The following SNTG1 variants were observed in gnomAD, a reference collection of about 807,000 sequenced individuals.
The protein encoded by SNTG1 is syntrophin gamma 1.
A neutral mutation model predicts 74.7 loss-of-function variants in SNTG1; 39 were observed. The observed-to-expected ratio is 0.52, with a 90% CI of 0.40 to 0.68. The LOEUF (loss-of-function observed/expected upper bound fraction) is 0.68. Ranked by LOEUF, SNTG1 falls within the 30% of genes least tolerant of loss-of-function variation. The pLI, the probability that SNTG1 is intolerant of heterozygous loss-of-function variation, is 0.00. For missense variants in SNTG1, 685 were observed against 609.5 expected, an observed-to-expected ratio of 1.12 and a Z score of -1.30; for synonymous variants, 254 against 217.1, an observed-to-expected ratio of 1.17 and a Z score of -1.49.
intron 1 of SNTG1, among the ~76,000 whole-genome samples, chr8:50,110,537 C>T (rs1179719241): frequency 6.6e-6 from 1 of 152,124 alleles, no homozygotes; most frequent in African/African-American, 2.4e-5. Context: ...GTCTCTATAA[C>T]CCTGAACCCT....
At chr8:50,530,749 A>G (rs146906339) in intron 10 of SNTG1, among the ~76,000 whole-genome samples, 1 of 152,320 alleles carries the variant, frequency 6.6e-6, no homozygotes, top group East Asian at 1.9e-4. Flanking sequence ...CTATACATGT[A>G]TTTAGTAGAA....
At chr8:50,751,164 C>CCT (rs2095566468) in intron 17 of SNTG1, among the ~76,000 whole-genome samples, 1 of 151,868 alleles carries the variant, frequency 6.6e-6, no homozygotes, top group Non-Finnish European at 1.5e-5. Context: ...TAAAGGTATG[C>CCT]TAAGATAAGG....
intron 17 of SNTG1, among the ~76,000 whole-genome samples, chr8:50,727,592 A>G (rs1011074776): frequency 2.0e-5 from 3 of 152,184 alleles, no homozygotes; most frequent in Non-Finnish European, 2.9e-5. Context: ...TGTAGAAAAC[A>G]AGAGAAGGGT....
intron 2 of SNTG1, among the ~76,000 whole-genome samples, chr8:50,293,084 C>G (rs1221372838): frequency 6.6e-6 from 1 of 152,112 alleles, no homozygotes; most frequent in Admixed American, 6.5e-5. Flanking sequence ...GAACAACCTG[C>G]GTGTAGCCTT....
chr8:50,498,451 T>G (rs2131931669), intron 8 of SNTG1, among the ~76,000 whole-genome samples: 1 of 151,972 alleles, frequency 6.6e-6, no homozygotes, highest in South Asian at 2.1e-4. Context: ...TTATTAGGCG[T>G]TTGTATTATT....
At chr8:50,404,021 A>G (rs1715069091) in intron 4 of SNTG1, among the ~76,000 whole-genome samples, 1 of 152,204 alleles carries the variant, frequency 6.6e-6, no homozygotes, top group African/African-American at 2.4e-5. Flanking sequence ...TGTAGATTTC[A>G]TGATGATATG....
intron 13 of SNTG1, among the ~76,000 whole-genome samples, chr8:50,600,773 G>A (rs1273089727): frequency 6.6e-6 from 1 of 151,130 alleles, no homozygotes; most frequent in Non-Finnish European, 1.5e-5. Flanking sequence ...TGTTTTATTT[G>A]TTTATTTGTA....
In SNTG1 at chr8:50,469,675, C is replaced by T. The variant is rs111883621; in HGVS notation, c.363+18946C>T. Reference sequence around the variant, plus strand: ...ATGGTTTAGATTCTTGTCATTCAGACCTTAGATTAAAAGCCTCCTTATTGC... The same window carrying T: ...ATGGTTTAGATTCTTGTCATTCAGATCTTAGATTAAAAGCCTCCTTATTGC... On this transcript the variant is annotated intron_variant, in intron 8 of 18. Transcript: ENST00000642720. 2.3e-3 allele frequency among the ~76,000 whole-genome samples: 357 copies of T among 152,160 alleles called. 2 individuals carry two copies. The highest frequency in any genetic ancestry group is 8.0e-3 in the African/African-American group (332 of 41,524).
chr8:50,014,458 G>T (rs199756824), intron 1 of SNTG1, among the ~76,000 whole-genome samples: 1 of 42,384 alleles, frequency 2.4e-5, no homozygotes, highest in African/African-American at 3.6e-5. Context: ...TCTACACAAT[G>T]ATAAGGACTA....
At chr8:50,625,968 G>A (rs149964361) in intron 13 of SNTG1, among the ~76,000 whole-genome samples, 2 of 152,136 alleles carry the variant, frequency 1.3e-5, no homozygotes, top group Non-Finnish European at 2.9e-5. Flanking sequence ...AGACTATGGT[G>A]GTGGATTTTT....
rs922333293 is a variant in SNTG1 at position 49,955,265 on chromosome 8, A to G, written c.-103+43034A>G. ...TTCACTCTTTGTTTTTTGCTAGCTA[A>G]AATAATTTTAAACCTAAAATGATCT... is the stretch of plus-strand genomic sequence containing the variant. On this transcript the variant is annotated intron_variant, in intron 1 of 18. Coordinates refer to ENST00000642720, the MANE Select transcript of SNTG1 (RefSeq NM_018967.5). 1.2e-4 allele frequency among the ~76,000 whole-genome samples: 18 copies of G among 152,312 alleles called. No homozygotes were observed. The East Asian group carries it at 3.5e-3, about 29-fold the overall frequency.
intron 2 of SNTG1, among the ~76,000 whole-genome samples, chr8:50,384,610 G>A (rs62517611): frequency 0.011 from 1,608 of 152,230 alleles, 11 homozygotes; most frequent in Non-Finnish European, 0.017. Flanking sequence ...CTCAGCAGTG[G>A]CTGTAACCAT....
At chr8:50,712,507 C>T (rs2131563352) in intron 17 of SNTG1, among the ~76,000 whole-genome samples, 1 of 152,168 alleles carries the variant, frequency 6.6e-6, no homozygotes, top group Admixed American at 6.5e-5. Flanking sequence ...TTTTATTACA[C>T]TTTAAGTTCT....
intron 2 of SNTG1, among the ~76,000 whole-genome samples, chr8:50,259,898 G>T (rs2087095957): frequency 1.3e-5 from 2 of 152,214 alleles, no homozygotes. Flanking sequence ...TCTGGGGTTG[G>T]GAAACCGAAG....
At chr8:50,538,483 A>C (rs2094323336) in intron 11 of SNTG1, among the ~76,000 whole-genome samples, 1 of 152,100 alleles carries the variant, frequency 6.6e-6, no homozygotes, top group African/African-American at 2.4e-5. Context: ...CAGACTTTGG[A>C]GTTGACAGTT....
intron 13 of SNTG1, among the ~76,000 whole-genome samples, chr8:50,599,883 A>G (rs1458956056): frequency 2.0e-5 from 3 of 152,122 alleles, no homozygotes; most frequent in African/African-American, 2.4e-5. Flanking sequence ...CATGATCCAG[A>G]CAAAGATGCT....
chr8:50,410,628 T>A (rs1206866807), intron 4 of SNTG1, among the ~76,000 whole-genome samples: 1 of 152,220 alleles, frequency 6.6e-6, no homozygotes, highest in African/African-American at 2.4e-5. Context: ...TTGTTCATTT[T>A]ATAACTGAAA....
intron 2 of SNTG1, among the ~76,000 whole-genome samples, chr8:50,191,266 AC>A (rs1306490170): frequency 6.6e-6 from 1 of 151,306 alleles, no homozygotes; most frequent in Non-Finnish European, 1.5e-5. Context: ...TGGTAAGAAA[AC>A]TAAGATTTTA....
At chr8:50,523,246 A>G (rs538274157) in intron 9 of SNTG1, among the ~76,000 whole-genome samples, 25 of 152,206 alleles carry the variant, frequency 1.6e-4, no homozygotes, top group Non-Finnish European at 3.4e-4. Flanking sequence ...CTTTCTCCTT[A>G]TCAGTAAGAA....
Sources: gnomAD v4.1 joint callset for allele counts (sites outside exome capture counted in the v4.1 genomes callset) on GRCh38, gnomAD v4.1.1 for gene constraint, MANE v1.5 for transcripts, NCBI Gene and HGNC (gene_info 2026-07-23, HGNC 2026-07-21) for gene names.